Variants in PCBP2 observed in about 807,000 individuals in gnomAD.
PCBP2 encodes the protein poly(rC) binding protein 2.
A neutral mutation model predicts 50.1 loss-of-function variants in PCBP2; 4 were observed. The ratio of observed to expected loss-of-function variants is 0.08; its 90% CI spans 0.04 to 0.18. The LOEUF is 0.18. PCBP2 is among the 10% of genes least tolerant of loss of function. PCBP2 has a pLI of 1.00. For synonymous variants in PCBP2, 179 were observed against 168.0 expected, an observed-to-expected ratio of 1.07 and a Z score of -0.51; for missense variants, 161 against 474.3, an observed-to-expected ratio of 0.34 and a Z score of 6.14.
Position 53,480,682 on chromosome 12 carries a change from T to A in PCBP2, c.*1240T>A, listed in dbSNP as rs1488021139. 1.3e-5 allele frequency: 2 copies of A among 152,288 alleles called. No individual in the cohort carries two copies. Among genetic ancestry groups the A allele is most frequent in the East Asian group, 1.9e-4 (1 of 5,180 alleles). The allele number at this position is 152,288 out of a possible 1,614,324, so 9.4% of individuals were successfully genotyped here. A position where few individuals can be genotyped will look rare whatever the true frequency, so the allele number is the denominator to read the frequency against. On this transcript the variant is annotated 3_prime_UTR_variant, in exon 15 of 15. Transcript: ENST00000546463. Reference sequence around the variant, plus strand: ...TAAGACAGGGCTTGGGCAGAGAAGATAAATGGTGGGACAAAAAAATGAGTT... The same window carrying A: ...TAAGACAGGGCTTGGGCAGAGAAGAAAAATGGTGGGACAAAAAAATGAGTT...
intron 11 of PCBP2, chr12:53,467,517 T>G (rs1017900354): frequency 1.6e-6 from 1 of 626,974 alleles, no homozygotes; most frequent in Non-Finnish European, 2.8e-6. Flanking sequence ...CCTGGAAGGT[T>G]TGGGGGTGAG....
At chr12:53,466,343 TG>T (rs1369124610) in intron 10 of PCBP2, among the ~76,000 whole-genome samples, 2 of 152,302 alleles carry the variant, frequency 1.3e-5, no homozygotes, top group Non-Finnish European at 2.9e-5. Flanking sequence ...ATGAGGGTAA[TG>T]GGAGGTTGGG....
At chr12:53,455,646 A>AT (rs149657411) in intron 4 of PCBP2, among the ~76,000 whole-genome samples, 153 bp downstream of exon 4, 35 of 149,124 alleles carry the variant, frequency 2.3e-4, no homozygotes, top group Admixed American at 1.1e-3. Context: ...TGGGGAGTGT[A>AT]TTTTTTTTTT....
intron 6 of PCBP2, chr12:53,460,319 CTGT>C (rs1194660679): frequency 2.2e-5 from 7 of 324,686 alleles, no homozygotes; most frequent in East Asian, 1.0e-4. Context: ...TTTCTTCTTT[CTGT>C]TGTTGTAGAG....
At chr12:53,472,007 G>C (rs375956167) in intron 14 of PCBP2, among the ~76,000 whole-genome samples, 200 bp downstream of exon 14, 10 of 150,138 alleles carry the variant, frequency 6.7e-5, no homozygotes, top group East Asian at 2.0e-4. Context: ...GGGTTGGTGG[G>C]GGGGGGAGCA....
Position 53,476,302 on chromosome 12 carries a change from C to CAACTA in PCBP2, c.1053-3103_1053-3102insACTAA, listed in dbSNP as rs1942579039. Reference sequence around the variant, plus strand: ...ACCTTAAGGATCAACTAATCTGTAACACATTGATCCCCTCATTTTACAGAT... The same window carrying CAACTA: ...ACCTTAAGGATCAACTAATCTGTAACAACTAACATTGATCCCCTCATTTTACAGAT... On this transcript the variant is annotated intron_variant, in intron 14 of 14. Transcript: ENST00000546463. 5.3e-5 allele frequency among the ~76,000 whole-genome samples: 8 copies of CAACTA among 152,302 alleles called. No individual in the cohort carries two copies. In the South Asian group the frequency reaches 1.7e-3, roughly 32 times the overall value.
chr12:53,454,542 T>C lies in PCBP2; in HGVS notation c.-75-184T>C, dbSNP rs377110021. 1.9e-5 allele frequency: 9 copies of C among 475,948 alleles called. No individual in the cohort carries two copies. The East Asian group carries it at 2.0e-4, about 11-fold the overall frequency. 29.5% of individuals were successfully genotyped at this position (475,948 alleles called of 1,614,324 possible). A position where few individuals can be genotyped will look rare whatever the true frequency, so the allele number is the denominator to read the frequency against. ...AGAGGAACTGGAAAGTTGCCTTCTATACTGTGTAACAGAACCTGAGCTGTA... is the reference window on the plus strand; with the variant it reads ...AGAGGAACTGGAAAGTTGCCTTCTACACTGTGTAACAGAACCTGAGCTGTA... On this transcript the variant is annotated intron_variant, in intron 1 of 14. Coordinates refer to ENST00000546463, the MANE Select transcript of PCBP2 (RefSeq NM_031989.5).
chr12:53,457,997 C>T (rs1423074012), intron 5 of PCBP2, among the ~76,000 whole-genome samples: 1 of 152,054 alleles, frequency 6.6e-6, no homozygotes, highest in Admixed American at 6.5e-5. Flanking sequence ...GGTGGGTTCC[C>T]GGCTCACCGT....
intron 10 of PCBP2, 31 bp from the exon 11 acceptor site, chr12:53,467,190 C>T (rs1432924805): frequency 5.1e-6 from 8 of 1,581,310 alleles, no homozygotes; most frequent in Non-Finnish European, 6.9e-6. Context: ...GTTAAATCTT[C>T]TAATGCCAAC....
chr12:53,469,464 T>C (rs911015820), intron 13 of PCBP2, among the ~76,000 whole-genome samples: 3 of 152,078 alleles, frequency 2.0e-5, no homozygotes, highest in African/African-American at 7.2e-5. Flanking sequence ...CTCACTCCTG[T>C]AATCCCAGCA....
chr12:53,479,273 T>A lies in PCBP2; in HGVS notation c.1053-133T>A. 4 of 775,104 alleles carry A rather than the reference T, an allele frequency of 5.2e-6. 1 individual carries two copies. The South Asian group carries it at 6.2e-5, about 12-fold the overall frequency. 48.0% of individuals were successfully genotyped at this position (775,104 alleles called of 1,614,324 possible). On this transcript the variant is annotated intron_variant, in intron 14 of 14. Coordinates refer to ENST00000546463, the MANE Select transcript of PCBP2 (RefSeq NM_031989.5). ...TTAAAGGATCATGGTACTGGTAAAT[T>A]TAAGAAACCTTAAAATGTCTCCCTT...
chr12:53,456,945 T>C (rs1262976080), intron 5 of PCBP2, among the ~76,000 whole-genome samples: 3 of 152,226 alleles, frequency 2.0e-5, no homozygotes, highest in Admixed American at 1.3e-4. Context: ...ATGTTACCTT[T>C]TGACCCCCGG....
chr12:53,471,107 G>A (rs2137098252), intron 13 of PCBP2, among the ~76,000 whole-genome samples: 1 of 152,062 alleles, frequency 6.6e-6, no homozygotes, highest in African/African-American at 2.4e-5. Flanking sequence ...CAAGAGTTGA[G>A]TTTTTTGATC....
At chr12:53,462,204 A>G (rs1180104890) in intron 7 of PCBP2, among the ~76,000 whole-genome samples, 2 of 152,244 alleles carry the variant, frequency 1.3e-5, no homozygotes, top group Non-Finnish European at 2.9e-5. Flanking sequence ...ACAGTTTTTC[A>G]TGTCCATTAA....
At chr12:53,475,123 G>A in intron 14 of PCBP2, 1 of 456,352 alleles carries the variant, frequency 2.2e-6, no homozygotes, top group South Asian at 1.5e-5. Context: ...GCTGCTAAGG[G>A]TACCGGGGCT....
At chr12:53,469,078 T>A (rs1942017218) in intron 13 of PCBP2, among the ~76,000 whole-genome samples, 2 of 151,882 alleles carry the variant, frequency 1.3e-5, no homozygotes, top group Non-Finnish European at 2.9e-5. Context: ...AATTTTGTAT[T>A]TTTAGTAGAG....
intron 12 of PCBP2, chr12:53,468,420 A>G: frequency 3.6e-6 from 1 of 277,908 alleles, no homozygotes; most frequent in South Asian, 5.1e-5. Context: ...GGTGAGATAC[A>G]ATTTGGAACA....
Position 53,468,886 on chromosome 12 carries a change from A to G in PCBP2, c.882+54A>G, listed in dbSNP as rs1448867141. On this transcript the variant is annotated intron_variant, in intron 13 of 14. Transcript: ENST00000546463. ...AAATAAGAAAATAGACTGTAAAGAA[A>G]TAGATGTCGTTTCAGCAGTGTCCTG... The G allele has an allele frequency of 2.3e-6, 3 of 1,321,120 alleles. No individual in the cohort carries two copies. The African/African-American group carries it at 4.4e-5, about 19-fold the overall frequency. The allele number at this position is 1,321,120 out of a possible 1,614,324, so 81.8% of individuals were successfully genotyped here.
Position 53,467,853 on chromosome 12 carries a change from A to T in PCBP2, c.826+10A>T, listed in dbSNP as rs74542898. On this transcript the variant is annotated intron_variant, in intron 12 of 14. Coordinates refer to ENST00000546463, the MANE Select transcript of PCBP2 (RefSeq NM_031989.5). ...GTGAAAGGCTATTGGGGTAATGATTAAAAAAAAAAAAATCTGTAGTATTCT... is the reference window on the plus strand; with the variant it reads ...GTGAAAGGCTATTGGGGTAATGATTTAAAAAAAAAAAATCTGTAGTATTCT... The T allele has an allele frequency of 3.4e-5, 13 of 380,414 alleles. No individual in the cohort carries two copies. Among genetic ancestry groups the T allele is most frequent in the East Asian group, 1.3e-4 (1 of 7,474 alleles). 23.6% of individuals were successfully genotyped at this position (380,414 alleles called of 1,614,324 possible).
Sources: allele counts gnomAD v4.1 joint callset (sites outside exome capture counted in the v4.1 genomes callset), GRCh38; gene constraint gnomAD v4.1.1; transcripts MANE v1.5; gene names NCBI Gene and HGNC (gene_info 2026-07-23, HGNC 2026-07-21).